KRT73: variants seen among roughly 807,000 people sequenced by gnomAD.
KRT73 encodes the protein keratin, type II cytoskeletal 73.
KRT73 carries 44 observed loss-of-function variants against 47.2 expected under a neutral mutation model. The ratio of observed to expected loss-of-function variants is 0.93; its 90% confidence interval spans 0.73 to 1.20. The LOEUF is 1.20. Among genes scored for constraint, KRT73 ranks in the 50% most tolerant of loss-of-function variants. The probability of loss-of-function intolerance (pLI) is 0.00; values close to 1 mark genes in which losing one functional copy is unlikely to be tolerated. For synonymous variants in KRT73, 285 were observed against 291.3 expected (o/e 0.98, Z 0.22); for missense variants, 713 against 704.5 (o/e 1.01, Z -0.14).
chr12:52,616,876 C>T (rs1167302869), intron 1 of KRT73, among the ~76,000 whole-genome samples: 1 of 152,198 alleles, frequency 6.6e-6, no homozygotes, highest in Non-Finnish European at 1.5e-5. Flanking sequence ...GTCTCCGGCC[C>T]TCCTAAGTTG....
At chr12:52,611,998 G>T (rs1001067997) in intron 5 of KRT73, among the ~76,000 whole-genome samples, 2 of 152,174 alleles carry the variant, frequency 1.3e-5, no homozygotes, top group Admixed American at 6.5e-5. Flanking sequence ...TTCTCCATCC[G>T]ACCCAGAATG....
the KRT73 span, among the ~76,000 whole-genome samples, chr12:52,626,208 A>G: frequency 6.6e-6 from 1 of 152,346 alleles, no homozygotes; most frequent in Admixed American, 6.5e-5. Context: ...CTTCAAAATA[A>G]CCCCATCAAG....
intron 1 of KRT73, 114 bp from the exon 2 acceptor site, chr12:52,616,494 C>T (rs995406801): frequency 7.5e-6 from 10 of 1,332,416 alleles, no homozygotes; most frequent in Middle Eastern, 5.3e-4. Flanking sequence ...TGAGCCTCAG[C>T]CCTTAAAAAC....
intron 3 of KRT73, 52 bp downstream of exon 3, chr12:52,615,227 A>G (rs1940791984): frequency 3.4e-6 from 5 of 1,489,578 alleles, no homozygotes; most frequent in African/African-American, 2.8e-5. Context: ...CCTCTCTCTT[A>G]GCCCAGCACC....
chr12:52,618,136 G>C lies in KRT73; in HGVS notation c.389C>G (p.Ala130Gly). ...ELDPEIQKVR[A>G]QEREQIKVLN... ...CACCTTGATCTGCTCCCGCTCCTGG[G>C]CACGCACTTTCTGGATTTCAGGGTC... Residue 130 changes from alanine (A) to glycine (G), a missense_variant, in exon 1 of 9, where the codon GCC becomes GGC. Physicochemically the swap from Ala to Gly is moderately conservative, Grantham distance 60. Transcript: ENST00000305748. The C allele has an allele frequency of 6.2e-7, 1 of 1,613,974 alleles. No individual in the cohort carries two copies. Among genetic ancestry groups the C allele is most frequent in the Non-Finnish European group, 8.5e-7 (1 of 1,179,926 alleles).
rs113112977 is a variant in KRT73, at chr12:52,617,918, A to G, written c.447+160T>C. ...CGGCATGAGCAAGCCTTATGGGCCC[A>G]GCACCTGGGGAGCTTTCAAGTTGTT... is the stretch of plus-strand genomic sequence containing the variant. On this transcript the variant is annotated intron_variant, in intron 1 of 8. Coordinates refer to ENST00000305748, the MANE Select transcript of KRT73 (RefSeq NM_175068.3). 1.4e-4 allele frequency among the ~76,000 whole-genome samples: 21 copies of G among 152,334 alleles called. 4 individuals are homozygous for G. Among genetic ancestry groups the G allele is most frequent in the African/African-American group, 5.1e-4 (21 of 41,582 alleles).
chr12:52,614,560 G>T lies in KRT73; in HGVS notation c.819+19C>A. 1 of 1,599,884 alleles carries T rather than the reference G, an allele frequency of 6.3e-7. No homozygotes were observed. The highest frequency in any genetic ancestry group is 8.5e-7 in the Non-Finnish European group (1 of 1,169,662). Reference sequence around the variant, plus strand: ...CCTTCCAGAAGACAGAGCCAGAGGTGGGGCAGGGGGAGCCTTACCCCCTCG... The same window carrying T: ...CCTTCCAGAAGACAGAGCCAGAGGTTGGGCAGGGGGAGCCTTACCCCCTCG... On this transcript the variant is annotated intron_variant, in intron 4 of 8. Transcript: ENST00000305748.
intron 6 of KRT73, 159 bp from the exon 7 acceptor site, chr12:52,610,994 G>C: frequency 1.1e-6 from 1 of 883,800 alleles, no homozygotes; most frequent in Non-Finnish European, 1.7e-6. Flanking sequence ...GAGACTGAGA[G>C]GCTTGCTACG....
chr12:52,611,479 G>T, intron 5 of KRT73, 150 bp from the exon 6 acceptor site: 1 of 836,582 alleles, frequency 1.2e-6, no homozygotes. Flanking sequence ...TCCCATTAAA[G>T]CATTGGGCCA....
intron 5 of KRT73, among the ~76,000 whole-genome samples, chr12:52,611,939 T>C (rs1940712062): frequency 6.6e-6 from 1 of 152,224 alleles, no homozygotes; most frequent in Non-Finnish European, 1.5e-5. Context: ...GGCACACCAG[T>C]CCATAGGTCT....
intron 7 of KRT73, among the ~76,000 whole-genome samples, chr12:52,609,696 T>G (rs1940654284): frequency 6.6e-6 from 1 of 152,246 alleles, no homozygotes; most frequent in Admixed American, 6.5e-5. Context: ...AAAATGGTGC[T>G]TGGTTAGAAC....
At chr12:52,625,902 G>C in the KRT73 span, among the ~76,000 whole-genome samples, 1 of 152,018 alleles carries the variant, frequency 6.6e-6, no homozygotes, top group East Asian at 1.9e-4. Context: ...TATATTGTAT[G>C]ATTCCATTTA....
At chr12:52,611,417 G>A (rs1565628743) in intron 5 of KRT73, 88 bp from the exon 6 acceptor site, 2 of 1,545,956 alleles carry the variant, frequency 1.3e-6, no homozygotes, top group Admixed American at 1.8e-5. Flanking sequence ...CACTTGCAGA[G>A]CCTGGCAGAG....
chr12:52,615,574 G>T (rs898406354), intron 2 of KRT73, among the ~76,000 whole-genome samples: 1 of 152,074 alleles, frequency 6.6e-6, no homozygotes, highest in Non-Finnish European at 1.5e-5. Context: ...TCTGATGCCT[G>T]GGGAGTGAGT....
chr12:52,614,671 C>T lies in KRT73; in HGVS notation c.727G>A (p.Val243Met), dbSNP rs116055718. Residue 243 changes from valine (V) to methionine (M), a missense_variant, in exon 4 of 9, where the codon GTG becomes ATG. Coordinates refer to ENST00000305748, the MANE Select transcript of KRT73 (RefSeq NM_175068.3). ...ACTTTGCTCGTGTAAGCTGCGTCCA[C>T]GTCCTATGGAGAATCCAGATACCCC... ...ENEFVVLKKD[V>M]DAAYTSKVEL... 2.2e-4 allele frequency: 361 copies of T among 1,612,800 alleles called. No homozygotes were observed. The South Asian group carries it at 2.6e-3, about 12-fold the overall frequency.
At chr12:52,617,829 C>T (rs1940841579) in intron 1 of KRT73, among the ~76,000 whole-genome samples, 1 of 152,196 alleles carries the variant, frequency 6.6e-6, no homozygotes, top group African/African-American at 2.4e-5. Flanking sequence ...GGTGTCCTGC[C>T]TTCGTCTGCT....
chr12:52,611,276 G>C lies in KRT73; in HGVS notation c.1038C>G (p.Thr346=). Residue 346 remains threonine (T), a synonymous_variant, in exon 6 of 9, where the codon ACC becomes ACG. Transcript: ENST00000305748. ...AGRHGDDLKH[T]KNEISELTRL... ...GGGTCAGCTCTGAGATCTCATTTTT[G>C]GTGTGTTTCAGGTCATCCCCATGCC... 6.2e-7 allele frequency: 1 copy of C among 1,614,098 alleles called. No homozygotes were observed. The highest frequency in any genetic ancestry group is 8.5e-7 in the Non-Finnish European group (1 of 1,180,012).
chr12:52,613,637 C>A, intron 5 of KRT73, 51 bp downstream of exon 5: 10 of 1,604,220 alleles, frequency 6.2e-6, no homozygotes, highest in Non-Finnish European at 8.5e-6. Flanking sequence ...AAGACAGAGT[C>A]TGGAGCAGAG....
chr12:52,612,405 C>G (rs1940721005), intron 5 of KRT73: 1 of 152,272 alleles, frequency 6.6e-6, no homozygotes, highest in South Asian at 2.1e-4. Context: ...AGGGACCCTT[C>G]AGCACTCTGG....
Sources: allele counts gnomAD v4.1 joint callset (sites outside exome capture counted in the v4.1 genomes callset), GRCh38; gene constraint gnomAD v4.1.1; transcripts MANE v1.5; gene names NCBI Gene and HGNC (gene_info 2026-07-23, HGNC 2026-07-21).